ZC3H14: variants seen among roughly 807,000 people sequenced by gnomAD.
ZC3H14 encodes zinc finger CCCH domain-containing protein 14.
In ZC3H14, 31 loss-of-function variants were observed where a neutral mutation model predicts 92.4. That is an observed-to-expected ratio of 0.34 (90% CI 0.25 to 0.45). ZC3H14 has a LOEUF of 0.45. Among genes scored for constraint, ZC3H14 ranks in the 20% least tolerant of loss-of-function variants. The probability of loss-of-function intolerance (pLI) is 1.00; values close to 1 mark genes in which losing one functional copy is unlikely to be tolerated. For missense variants in ZC3H14, 781 were observed against 897.3 expected (o/e 0.87, Z 1.66); for synonymous variants, 321 against 300.9 (o/e 1.07, Z -0.69).
At chr14:88,600,443 T>C (rs191280909) in intron 10 of ZC3H14, among the ~76,000 whole-genome samples, 8 of 147,304 alleles carry the variant, frequency 5.4e-5, no homozygotes, top group Admixed American at 6.7e-5. Context: ...TCTTTTCTCT[T>C]TTTTTTTTTT....
Position 88,572,215 on chromosome 14 carries a change from A to C in ZC3H14, c.421A>C (p.Thr141Pro). ...VSTSSQESKTTNVRQTYDDGA... is the reference protein window; with the variant it reads ...VSTSSQESKTPNVRQTYDDGA... The stretch of plus-strand genomic sequence containing the variant: ...TACAAGTTCGCAGGAGTCAAAAACC[A>C]CAAATGTCAGGTAAGAGTCTGGTGT... Residue 141 changes from threonine to proline, a missense_variant, in exon 5 of 17, where the codon ACA becomes CCA. Coordinates refer to ENST00000251038, the MANE Select transcript of ZC3H14 (RefSeq NM_024824.5). 1 of 1,614,170 alleles carries C rather than the reference A, an allele frequency of 6.2e-7. No homozygotes were observed. The highest frequency in any genetic ancestry group is 1.7e-5 in the Admixed American group (1 of 60,022).
At chr14:88,567,989 A>C in intron 2 of ZC3H14, 50 bp from the exon 3 acceptor site, 2 of 1,472,696 alleles carry the variant, frequency 1.4e-6, no homozygotes, top group South Asian at 2.3e-5. Context: ...CAACTTTAAG[A>C]AGAAAGTTTT....
chr14:88,577,771 T>C (rs1205206609), intron 8 of ZC3H14, among the ~76,000 whole-genome samples: 1 of 152,146 alleles, frequency 6.6e-6, no homozygotes, highest in Non-Finnish European at 1.5e-5. Context: ...GGTTTTACCA[T>C]GTTGGCCAGG....
At chr14:88,575,732 A>T in intron 7 of ZC3H14, 108 bp from the exon 8 acceptor site, 1 of 866,204 alleles carries the variant, frequency 1.2e-6, no homozygotes, top group Non-Finnish European at 1.8e-6. Flanking sequence ...AACTGCAGCT[A>T]GTCTGTTTAA....
intron 2 of ZC3H14, among the ~76,000 whole-genome samples, chr14:88,565,481 A>G (rs1328012773): frequency 6.6e-6 from 1 of 152,326 alleles, no homozygotes; most frequent in South Asian, 2.1e-4. Flanking sequence ...TTTATACTGC[A>G]TAATGAAATA....
chr14:88,584,568 T>C (rs954970927), intron 9 of ZC3H14, among the ~76,000 whole-genome samples: 2 of 152,232 alleles, frequency 1.3e-5, no homozygotes, highest in Non-Finnish European at 2.9e-5. Flanking sequence ...TAGTACATAC[T>C]GTACTACTGT....
At chr14:88,568,218 C>T in intron 3 of ZC3H14, 65 bp downstream of exon 3, 4 of 1,354,884 alleles carry the variant, frequency 3.0e-6, no homozygotes, top group Admixed American at 3.6e-5. Flanking sequence ...ATATTCTGTC[C>T]AAAGAGAGGT....
At position 88,615,335 on chromosome 14, in the gene ZC3H14, G is replaced by A. The variant is rs1172807648; in HGVS notation, c.*3584G>A. 1 of 152,442 alleles carries A rather than the reference G, an allele frequency of 6.6e-6. No individual in the cohort carries two copies. Among genetic ancestry groups the A allele is most frequent in the Non-Finnish European group, 1.5e-5 (1 of 68,210 alleles). 9.4% of individuals were successfully genotyped at this position (152,442 alleles called of 1,614,324 possible). On this transcript the variant is annotated 3_prime_UTR_variant, in exon 17 of 17. Coordinates refer to ENST00000251038, the MANE Select transcript of ZC3H14 (RefSeq NM_024824.5). Reference sequence around the variant, plus strand: ...AAAATGTTTGCCTTTTAAAAACTGTGATCCTTTAGGATGATCATGACTTTC... The same window carrying A: ...AAAATGTTTGCCTTTTAAAAACTGTAATCCTTTAGGATGATCATGACTTTC...
At position 88,621,055 on chromosome 14, in the gene ZC3H14, C is replaced by G. The variant is rs1014608506; in HGVS notation, c.*9304C>G. The stretch of plus-strand genomic sequence containing the variant: ...TTCTTTAAGTACTAGCAATTTAGAA[C>G]TTCCAACTTTTCTTTTTAGAAGTTG... On this transcript the variant is annotated 3_prime_UTR_variant, in exon 17 of 17. Transcript: ENST00000251038. 8.2e-5 allele frequency: 126 copies of G among 1,533,274 alleles called. No homozygotes were observed. Among genetic ancestry groups the G allele is most frequent in the Admixed American group, 5.4e-4 (25 of 46,024 alleles). The allele number at this position is 1,533,274 out of a possible 1,614,324, so 95.0% of individuals were successfully genotyped here. A position where few individuals can be genotyped will look rare whatever the true frequency, so the allele number is the denominator to read the frequency against.
chr14:88,593,351 C>CT (rs1054365847), intron 9 of ZC3H14, among the ~76,000 whole-genome samples: 21 of 151,962 alleles, frequency 1.4e-4, no homozygotes, highest in Non-Finnish European at 2.2e-4. Context: ...CCCCAAATTG[C>CT]TTTTTTTTGT....
In ZC3H14 at chr14:88,616,670, G is replaced by T; in HGVS notation, c.*4919G>T. The T allele has an allele frequency of 1.3e-6, 2 of 1,508,082 alleles. No individual in the cohort carries two copies. Among genetic ancestry groups the T allele is most frequent in the Non-Finnish European group, 1.8e-6 (2 of 1,109,320 alleles). The allele number at this position is 1,508,082 out of a possible 1,614,324, so 93.4% of individuals were successfully genotyped here. On this transcript the variant is annotated 3_prime_UTR_variant, in exon 17 of 17. Transcript: ENST00000251038. ...TAAATATATGGGGAAAAGTGCTGAT[G>T]ATAAGACATCAAAATTAGGAGTAAA...
Position 88,612,988 on chromosome 14 carries a change from A to AG in ZC3H14, c.*1237_*1238insG, listed in dbSNP as rs1272717370. ...GACCAAATTAAACTGCTAAAAAAAA[A>AG]AAAAAAGTTCATTGACTTGCTTAGT... On this transcript the variant is annotated 3_prime_UTR_variant, in exon 17 of 17. Transcript: ENST00000251038. The AG allele has an allele frequency of 6.6e-6, 1 of 152,620 alleles. No homozygotes were observed. The highest frequency in any genetic ancestry group is 1.5e-5 in the Non-Finnish European group (1 of 68,044). The allele number at this position is 152,620 out of a possible 1,614,324, so 9.5% of individuals were successfully genotyped here.
chr14:88,581,259 A>T lies in ZC3H14; in HGVS notation c.1279+3119A>T, dbSNP rs201208481. ...TGTGGTCTTGGAATACTTCCTATTTAAAAAACTAGGCTTCTTGGGCTGGGT... is the reference window on the plus strand; with the variant it reads ...TGTGGTCTTGGAATACTTCCTATTTTAAAAACTAGGCTTCTTGGGCTGGGT... On this transcript the variant is annotated intron_variant, in intron 9 of 16. Transcript: ENST00000251038. Among the ~76,000 whole-genome samples, 33 of 152,200 alleles carry T rather than the reference A, an allele frequency of 2.2e-4. No homozygotes were observed. The East Asian group carries it at 6.4e-3, about 29-fold the overall frequency.
chr14:88,618,388 CAG>C lies in ZC3H14; in HGVS notation c.*6638_*6639del. On this transcript the variant is annotated 3_prime_UTR_variant, in exon 17 of 17. Transcript: ENST00000251038. ...TCCATTAGGTGAGAGACAAAATCCACAGGGGGTTTACAGAATACTAGCATATT... is the reference window on the plus strand; with the variant it reads ...TCCATTAGGTGAGAGACAAAATCCACGGGGTTTACAGAATACTAGCATATT... The C allele has an allele frequency of 1.4e-6, 2 of 1,475,736 alleles. No individual in the cohort carries two copies. Among genetic ancestry groups the C allele is most frequent in the Non-Finnish European group, 1.9e-6 (2 of 1,060,676 alleles). The allele number at this position is 1,475,736 out of a possible 1,614,324, so 91.4% of individuals were successfully genotyped here.
intron 9 of ZC3H14, among the ~76,000 whole-genome samples, chr14:88,583,079 ATTT>A (rs34990579): frequency 7.7e-6 from 1 of 129,338 alleles, no homozygotes; most frequent in African/African-American, 3.0e-5. Flanking sequence ...GGCTTTATTG[ATTT>A]TTTTTTTTTT....
chr14:88,594,533 C>A, intron 9 of ZC3H14: 2 of 1,426,964 alleles, frequency 1.4e-6, no homozygotes, highest in Non-Finnish European at 1.8e-6. Flanking sequence ...TGAATTCTGA[C>A]TCTAGAAATG....
chr14:88,605,525 G>T (rs969171485), intron 12 of ZC3H14, among the ~76,000 whole-genome samples: 17 of 152,204 alleles, frequency 1.1e-4, no homozygotes, highest in African/African-American at 4.1e-4. Context: ...GTAGAGATGG[G>T]GTTTCACCAT....
intron 9 of ZC3H14, among the ~76,000 whole-genome samples, chr14:88,585,242 A>C (rs1159798861): frequency 1.3e-5 from 2 of 152,136 alleles, no homozygotes; most frequent in East Asian, 3.8e-4. Flanking sequence ...TTCTGTCATC[A>C]TTGCTGATTT....
In ZC3H14 at chr14:88,615,352, A is replaced by T. The variant is rs2087430217; in HGVS notation, c.*3601A>T. 6.5e-6 allele frequency: 1 copy of T among 152,886 alleles called. No homozygotes were observed. The highest frequency in any genetic ancestry group is 1.5e-5 in the Non-Finnish European group (1 of 68,528). 9.5% of individuals were successfully genotyped at this position (152,886 alleles called of 1,614,324 possible). On this transcript the variant is annotated 3_prime_UTR_variant, in exon 17 of 17. Coordinates refer to ENST00000251038, the MANE Select transcript of ZC3H14 (RefSeq NM_024824.5). ...AAAACTGTGATCCTTTAGGATGATC[A>T]TGACTTTCCCTTTCCTTATGGAAAT...
Sources: gnomAD v4.1 joint callset for allele counts (sites outside exome capture counted in the v4.1 genomes callset) on GRCh38, gnomAD v4.1.1 for gene constraint, MANE v1.5 for transcripts, NCBI Gene and HGNC (gene_info 2026-07-23, HGNC 2026-07-21) for gene names.